Variants in HCFC1 observed in about 807,000 individuals in gnomAD.
HCFC1 encodes the protein host cell factor 1.
HCFC1 carries 7 observed loss-of-function variants against 105.5 expected under a neutral mutation model. The observed-to-expected ratio is 0.07, with a 90% confidence interval of 0.04 to 0.12. The LOEUF is 0.12. Among genes scored for constraint, HCFC1 ranks in the 10% least tolerant of loss-of-function variants. The pLI, the probability that HCFC1 is intolerant of heterozygous loss-of-function variation, is 1.00. For missense variants in HCFC1, 1,065 were observed against 1,823.6 expected, an observed-to-expected ratio of 0.58 and a Z score of 7.58; for synonymous variants, 918 against 828.1, an observed-to-expected ratio of 1.11 and a Z score of -1.86.
Position 153,971,769 on chromosome X carries a change from G to A in HCFC1, c.-929C>T, listed in dbSNP as rs1412823142. The A allele has an allele frequency of 3.4e-6, 1 of 296,783 alleles. No individual in the cohort carries two copies. The highest frequency in any genetic ancestry group is 2.7e-5 in the African/African-American group (1 of 36,768). 24.5% of individuals were successfully genotyped at this position (296,783 alleles called of 1,213,427 possible). A position where few individuals can be genotyped will look rare whatever the true frequency, so the allele number is the denominator to read the frequency against. On this transcript the variant is annotated 5_prime_UTR_variant, in exon 1 of 26. Coordinates refer to ENST00000310441, the MANE Select transcript of HCFC1 (RefSeq NM_005334.3). The stretch of plus-strand genomic sequence containing the variant: ...GCGGCAACTGTACGGCAGAAGAAGC[G>A]GTAACGGCAGGGCGCTCATGCCTCC...
intron 12 of HCFC1, 67 bp from the exon 13 acceptor site, chrX:153,957,600 C>T: frequency 2.1e-6 from 2 of 956,266 alleles, no homozygotes; most frequent in Admixed American, 2.5e-5. Context: ...TCTGGCTACT[C>T]TCCGCCGGCA....
rs2065417146 is a variant in HCFC1, at chrX:153,960,263, G to A, written c.1056C>T (p.Cys352=). ...TCTCTAGGTACCAGAGGTCCTTGCA[G>A]CAGACCTGGTTGTTCCAGGCCTTGC... ...GYRKAWNNQV[C]CKDLWYLETE... is the part of the protein sequence containing the mutation. The change falls in exon 7 of 26, where the codon TGC becomes TGT. Residue 352 remains cysteine (C), a synonymous_variant. Transcript: ENST00000310441. 8.4e-7 allele frequency: 1 copy of A among 1,195,659 alleles called. No individual in the cohort carries two copies.
intron 19 of HCFC1, 90 bp from the exon 20 acceptor site, chrX:153,952,248 G>A: frequency 9.3e-7 from 1 of 1,075,230 alleles, no homozygotes; most frequent in South Asian, 2.4e-5. Flanking sequence ...CTGTCCTAGA[G>A]ACCCCGTCCA....
At chrX:153,966,855 A>T (rs781955833) in intron 1 of HCFC1, among the ~76,000 whole-genome samples, 4 of 112,631 alleles carry the variant, frequency 3.6e-5, no homozygotes, top group Non-Finnish European at 7.5e-5. Flanking sequence ...AGTTTGGGAC[A>T]AAGCTAAATG....
intron 2 of HCFC1, 29 bp from the exon 3 acceptor site, chrX:153,964,313 C>T (rs186804347): frequency 2.3e-5 from 26 of 1,138,799 alleles, no homozygotes; most frequent in African/African-American, 7.3e-5. Flanking sequence ...GAGACTGAAC[C>T]GTGGGATGAG....
chrX:153,960,566 T>C, intron 6 of HCFC1, 152 bp from the exon 7 acceptor site: 1 of 415,719 alleles, frequency 2.4e-6, no homozygotes, highest in Non-Finnish European at 4.0e-6. Context: ...AAGAAACCCT[T>C]TGTGGCAAAA....
At chrX:153,958,517 G>A in intron 10 of HCFC1, 52 bp downstream of exon 10, 1 of 1,076,352 alleles carries the variant, frequency 9.3e-7, no homozygotes, top group Non-Finnish European at 1.3e-6. Context: ...AAAGCCCGGA[G>A]GGAATGACTA....
In HCFC1 at chrX:153,949,004, C is replaced by CCTCAGGAACTGGG; in HGVS notation, c.*342_*343insCCCAGTTCCTGAG. 1 of 143,722 alleles carries CCTCAGGAACTGGG rather than the reference C, an allele frequency of 7.0e-6. No individual in the cohort carries two copies. Among genetic ancestry groups the CCTCAGGAACTGGG allele is most frequent in the African/African-American group, 3.2e-5 (1 of 31,696 alleles). 11.8% of individuals were successfully genotyped at this position (143,722 alleles called of 1,213,427 possible). A position where few individuals can be genotyped will look rare whatever the true frequency, so the allele number is the denominator to read the frequency against. ...CCTCCATGCCTGCCCCCGACCTGGC[C>CCTCAGGAACTGGG]CTCAGGAACGCACAGCCTTGGGAGG... is the stretch of plus-strand genomic sequence containing the variant. On this transcript the variant is annotated 3_prime_UTR_variant, in exon 26 of 26. Coordinates refer to ENST00000310441, the MANE Select transcript of HCFC1 (RefSeq NM_005334.3).
Position 153,958,240 on chromosome X carries a change from G to C in HCFC1, c.1813C>G (p.Pro605Ala), listed in dbSNP as rs1557115716. ...VASSPVMVSN[P>A]ATRMLKTAAA... ...GCAGTCTTCAGCATGCGAGTGGCAG[G>C]GTTGCTCACCTGGAGGAGGCAGAGA... The change falls in exon 11 of 26, where the codon CCT becomes GCT. Residue 605 changes from proline to alanine, a missense_variant. Pro to Ala is a conservative substitution (Grantham distance 27). Coordinates refer to ENST00000310441, the MANE Select transcript of HCFC1 (RefSeq NM_005334.3). 5 of 1,206,839 alleles carry C rather than the reference G, an allele frequency of 4.1e-6. No individual in the cohort carries two copies. Among genetic ancestry groups the C allele is most frequent in the Admixed American group, 2.2e-5 (1 of 45,886 alleles).
Position 153,951,851 on chromosome X carries a change from C to T in HCFC1, c.5250G>A (p.Thr1750=). 4 of 1,192,756 alleles carry T rather than the reference C, an allele frequency of 3.4e-6. No individual in the cohort carries two copies. The highest frequency in any genetic ancestry group is 3.5e-5 in the African/African-American group (2 of 57,642). The change falls in exon 20 of 26, where the codon ACG becomes ACA. Residue 1750 remains threonine (T), a synonymous_variant. Coordinates refer to ENST00000310441, the MANE Select transcript of HCFC1 (RefSeq NM_005334.3). Reference sequence around the variant, plus strand: ...CCCTCAGTCGCTTACTCTCAGTGGCCGTTGAGGGCAGCAGCGCCACAGTGC... The same window carrying T: ...CCCTCAGTCGCTTACTCTCAGTGGCTGTTGAGGGCAGCAGCGCCACAGTGC... ...VPSTVALLPS[T]ATESLAPSNT...
rs953032801 is a variant in HCFC1 at position 153,953,964 on chromosome X, C to A, written c.4333+102G>T. 5.0e-6 allele frequency: 5 copies of A among 1,008,046 alleles called. No homozygotes were observed. In the Admixed American group the frequency reaches 1.3e-4, roughly 27 times the overall value. 83.1% of individuals were successfully genotyped at this position (1,008,046 alleles called of 1,213,427 possible). On this transcript the variant is annotated intron_variant, in intron 17 of 25. Coordinates refer to ENST00000310441, the MANE Select transcript of HCFC1 (RefSeq NM_005334.3). ...CACTGGTAAATTGGGTGCCAAGGAG[C>A]CTGACTGGTGGACTCTGGACGGACC...
Position 153,962,254 on chromosome X carries a change from G to A in HCFC1, c.765C>T (p.Arg255=). The change falls in exon 5 of 26, where the codon CGC becomes CGT. Residue 255 remains arginine (R), a synonymous_variant. Transcript: ENST00000310441. ...CGATGGTGGTTGCCGAGTGGAGACT[G>A]CGAGGAAGAGGCGCCACCCCGCTGA... is the stretch of plus-strand genomic sequence containing the variant. ...PSLSGVAPLP[R]SLHSATTIGN... 8.3e-7 allele frequency: 1 copy of A among 1,210,238 alleles called. No homozygotes were observed. Among genetic ancestry groups the A allele is most frequent in the Non-Finnish European group, 1.1e-6 (1 of 894,264 alleles).
Position 153,952,743 on chromosome X carries a change from C to T in HCFC1, c.4713G>A (p.Val1571=). 1 of 1,209,068 alleles carries T rather than the reference C, an allele frequency of 8.3e-7. No individual in the cohort carries two copies. Among genetic ancestry groups the T allele is most frequent in the Non-Finnish European group, 1.1e-6 (1 of 893,855 alleles). Residue 1571 remains valine (V), a synonymous_variant, in exon 19 of 26, where the codon GTG becomes GTA. Transcript: ENST00000310441. ...SAGSAVVATV[V]VQPPPPTQSE... is the part of the protein sequence containing the mutation. ...ACTGTGTGGGTGGGGGTGGCTGGACCACCACAGTGGCCACCACCGCAGAGC... is the reference window on the plus strand; with the variant it reads ...ACTGTGTGGGTGGGGGTGGCTGGACTACCACAGTGGCCACCACCGCAGAGC...
intron 18 of HCFC1, 127 bp from the exon 19 acceptor site, chrX:153,953,085 G>T (rs928184972): frequency 8.7e-6 from 5 of 573,275 alleles, no homozygotes; most frequent in Non-Finnish European, 1.5e-5. Flanking sequence ...TCATTGATGA[G>T]ATCTTCTAGA....
intron 6 of HCFC1, among the ~76,000 whole-genome samples, chrX:153,961,043 G>A (rs1191850475): frequency 1.8e-5 from 2 of 112,779 alleles, no homozygotes; most frequent in Non-Finnish European, 3.8e-5. Context: ...CTCACGGAGC[G>A]GCGCCTGTAC....
At chrX:153,969,494 C>A (rs1444377155) in intron 1 of HCFC1, 2 of 112,899 alleles carry the variant, frequency 1.8e-5, no homozygotes, top group Non-Finnish European at 3.8e-5. Flanking sequence ...ACCGAACTCA[C>A]CCTGACCCTG....
At position 153,962,316 on chromosome X, in the gene HCFC1, G is replaced by A; in HGVS notation, c.713-10C>T. Reference sequence around the variant, plus strand: ...TTCCACGTCAGGGTGTCTGCAGAGAGACGGAGGGGAAAGGGTTACACAAGG... The same window carrying A: ...TTCCACGTCAGGGTGTCTGCAGAGAAACGGAGGGGAAAGGGTTACACAAGG... On this transcript the variant is annotated splice_polypyrimidine_tract_variant and intron_variant, in intron 4 of 25. Transcript: ENST00000310441. 8.5e-7 allele frequency: 1 copy of A among 1,177,634 alleles called. No homozygotes were observed. Among genetic ancestry groups the A allele is most frequent in the Non-Finnish European group, 1.2e-6 (1 of 865,524 alleles).
rs782679931 is a variant in HCFC1 at position 153,957,347 on chromosome X, T to C, written c.2320A>G (p.Met774Val). ...CCCGCCTGGGTGATGATGGCCGACA[T>C]GGGGATGGTTTTGATGATGGTGGTC... ...GTTTIIKTIPMSAIITQAGAT... is the reference protein window; with the variant it reads ...GTTTIIKTIPVSAIITQAGAT... Residue 774 changes from methionine (M) to valine (V), a missense_variant, in exon 13 of 26, where the codon ATG (methionine) becomes GTG (valine). Met to Val is a conservative substitution (Grantham distance 21). Around this residue, in one of 17 missense-constraint regions of HCFC1, gnomAD observed 137 missense variants for 378.2 expected, o/e 0.36. Coordinates refer to ENST00000310441, the MANE Select transcript of HCFC1 (RefSeq NM_005334.3). 7 of 1,199,669 alleles carry C rather than the reference T, an allele frequency of 5.8e-6. No individual in the cohort carries two copies. In the South Asian group the frequency reaches 7.1e-5, roughly 12 times the overall value.
rs2065286149 is a variant in HCFC1 at position 153,949,245 on chromosome X, G to A, written c.*102C>T. 1.2e-5 allele frequency: 7 copies of A among 569,231 alleles called. No homozygotes were observed. The highest frequency in any genetic ancestry group is 3.9e-4 in the Middle Eastern group (1 of 2,534). The allele number at this position is 569,231 out of a possible 1,213,427, so 46.9% of individuals were successfully genotyped here. ...GAGGAGTGAACAGCGGCTCGCGAGG[G>A]TGAAGTGCGAATGCTGGGACGGGGT... On this transcript the variant is annotated 3_prime_UTR_variant, in exon 26 of 26. Coordinates refer to ENST00000310441, the MANE Select transcript of HCFC1 (RefSeq NM_005334.3).
Sources: gnomAD v4.1 joint callset for allele counts (sites outside exome capture counted in the v4.1 genomes callset) on GRCh38, gnomAD v4.1.1 for gene constraint, gnomAD v4.1.1 regional missense constraint, MANE v1.5 for transcripts, NCBI Gene and HGNC (gene_info 2026-07-23, HGNC 2026-07-21) for gene names.